Variants in OR1M1 observed in about 807,000 individuals in gnomAD.
OR1M1 encodes the protein olfactory receptor 1M1.
For missense variants in OR1M1, 397 were observed against 401.8 expected (o/e 0.99, Z 0.10); for synonymous variants, 157 against 165.5 (o/e 0.95, Z 0.39).
At chr19:9,089,118 A>G (rs1417806114) in intron 1 of OR1M1, among the ~76,000 whole-genome samples, 1 of 152,140 alleles carries the variant, frequency 6.6e-6, no homozygotes, top group African/African-American at 2.4e-5. Flanking sequence ...TCCTACAGGG[A>G]TATAGAACAC....
intron 1 of OR1M1, among the ~76,000 whole-genome samples, chr19:9,092,195 C>T (rs1295689567): frequency 6.9e-6 from 1 of 145,788 alleles, no homozygotes; most frequent in African/African-American, 2.5e-5. Context: ...GCTGTGATTA[C>T]AGATGGGACC....
At position 9,095,576 on chromosome 19, in the gene OR1M1, T is replaced by C. The variant is rs2050322396; in HGVS notation, c.*1390T>C. The stretch of plus-strand genomic sequence containing the variant: ...TAATTTATTTTTATTTGTATATATT[T>C]TTTTGGTAGAGATGGGGTCTCACTA... On this transcript the variant is annotated 3_prime_UTR_variant, in exon 2 of 2. Transcript: ENST00000641627. 1 of 152,042 alleles carries C rather than the reference T, an allele frequency of 6.6e-6. No individual in the cohort carries two copies. The highest frequency in any genetic ancestry group is 2.4e-5 in the African/African-American group (1 of 41,382). 9.4% of individuals were successfully genotyped at this position (152,042 alleles called of 1,614,324 possible).
At chr19:9,091,264 G>C (rs1001605612) in intron 1 of OR1M1, among the ~76,000 whole-genome samples, 7 of 151,894 alleles carry the variant, frequency 4.6e-5, no homozygotes, top group African/African-American at 1.7e-4. Context: ...AAGTGTGGGC[G>C]GATCACCTGA....
intron 1 of OR1M1, among the ~76,000 whole-genome samples, chr19:9,088,101 C>T (rs139371886): frequency 3.6e-3 from 549 of 151,092 alleles, no homozygotes; most frequent in Non-Finnish European, 4.8e-3. Flanking sequence ...ATAATGGCCA[C>T]GCTGGTCTCC....
Position 9,093,836 on chromosome 19 carries a change from T to A in OR1M1, c.592T>A (p.Phe198Ile). Reference protein sequence around the residue: ...SCTDTSVNRIFILIVAGMVIA... With the variant: ...SCTDTSVNRIIILIVAGMVIA... ...CACGGACACCTCTGTGAATAGGATC[T>A]TCATCCTCATTGTGGCAGGGATGGT... The change falls in exon 2 of 2, where the codon TTC becomes ATC. Residue 198 changes from phenylalanine to isoleucine, a missense_variant. Transcript: ENST00000641627. 6.2e-7 allele frequency: 1 copy of A among 1,614,066 alleles called. No individual in the cohort carries two copies. Among genetic ancestry groups the A allele is most frequent in the Non-Finnish European group, 8.5e-7 (1 of 1,179,994 alleles).
chr19:9,095,283 C>G lies in OR1M1; in HGVS notation c.*1097C>G, dbSNP rs1427731835. ...GTGTTTTGTTATAACCAGCCCTGGC[C>G]GAATAACACAGTGACTGTGAGGGGA... On this transcript the variant is annotated 3_prime_UTR_variant, in exon 2 of 2. Transcript: ENST00000641627. 1 of 152,148 alleles carries G rather than the reference C, an allele frequency of 6.6e-6. No individual in the cohort carries two copies. Among genetic ancestry groups the G allele is most frequent in the Non-Finnish European group, 1.5e-5 (1 of 68,064 alleles). The allele number at this position is 152,148 out of a possible 1,614,324, so 9.4% of individuals were successfully genotyped here.
chr19:9,092,317 A>G (rs1258163494), intron 1 of OR1M1, among the ~76,000 whole-genome samples: 1 of 152,026 alleles, frequency 6.6e-6, no homozygotes, highest in African/African-American at 2.4e-5. Context: ...TGTCAGGCCA[A>G]GTGCGGTAGC....
At chr19:9,092,321 C>T (rs2050297738) in intron 1 of OR1M1, among the ~76,000 whole-genome samples, 2 of 151,914 alleles carry the variant, frequency 1.3e-5, no homozygotes, top group Admixed American at 1.3e-4. Flanking sequence ...AGGCCAAGTG[C>T]GGTAGCTCAC....
At position 9,093,607 on chromosome 19, in the gene OR1M1, C is replaced by G; in HGVS notation, c.363C>G (p.Asp121Glu). The change falls in exon 2 of 2, where the codon GAC becomes GAG. Residue 121 changes from aspartate to glutamate, a missense_variant. By Grantham distance (45) the Asp-to-Glu change is conservative. Transcript: ENST00000641627. ...DSVIIAMMAY[D>E]RFVAICHPLH... Reference sequence around the variant, plus strand: ...TCATAATCGCCATGATGGCTTATGACCGGTTCGTGGCCATCTGCCACCCAT... The same window carrying G: ...TCATAATCGCCATGATGGCTTATGAGCGGTTCGTGGCCATCTGCCACCCAT... 2 of 1,614,174 alleles carry G rather than the reference C, an allele frequency of 1.2e-6. No homozygotes were observed. Among genetic ancestry groups the G allele is most frequent in the African/African-American group, 1.3e-5 (1 of 75,074 alleles).
intron 1 of OR1M1, among the ~76,000 whole-genome samples, chr19:9,092,507 G>T (rs534532262): frequency 8.8e-4 from 134 of 152,230 alleles, no homozygotes; most frequent in African/African-American, 3.0e-3. Flanking sequence ...AGAGGCTGTG[G>T]CAGGAGGCTG....
In OR1M1 at chr19:9,093,538, G is replaced by A. The variant is rs1397063277; in HGVS notation, c.294G>A (p.Leu98=). Reference sequence around the variant, plus strand: ...AGGCCATCTCTTATCCCTGCTGCCTGATCCAGATGTACTTCTTCCATTTCT... The same window carrying A: ...AGGCCATCTCTTATCCCTGCTGCCTAATCCAGATGTACTTCTTCCATTTCT... ...GSKAISYPCC[L]IQMYFFHFFG... is the part of the protein sequence containing the mutation. Residue 98 remains leucine (L), a synonymous_variant, in exon 2 of 2, where the codon CTG becomes CTA. Coordinates refer to ENST00000641627, the MANE Select transcript of OR1M1 (RefSeq NM_001004456.2). The A allele has an allele frequency of 1.2e-6, 2 of 1,614,166 alleles. No individual in the cohort carries two copies. Among genetic ancestry groups the A allele is most frequent in the Non-Finnish European group, 1.7e-6 (2 of 1,180,040 alleles).
At chr19:9,092,472 G>A (rs2050298600) in intron 1 of OR1M1, among the ~76,000 whole-genome samples, 1 of 152,000 alleles carries the variant, frequency 6.6e-6, no homozygotes, top group Non-Finnish European at 1.5e-5. Flanking sequence ...TACTTATGGT[G>A]TGTGCCTGTA....
At chr19:9,087,933 C>A (rs985907588) in intron 1 of OR1M1, among the ~76,000 whole-genome samples, 2 of 151,886 alleles carry the variant, frequency 1.3e-5, no homozygotes, top group Admixed American at 1.3e-4. Context: ...CTCTGTCACC[C>A]AGGCTGCAGT....
intron 1 of OR1M1, among the ~76,000 whole-genome samples, chr19:9,087,538 G>A (rs2050271045): frequency 6.6e-6 from 1 of 151,322 alleles, no homozygotes; most frequent in Admixed American, 6.6e-5. Context: ...TGCAACCTCT[G>A]ACTCCCAGGT....
In OR1M1 at chr19:9,093,393, G is replaced by A. The variant is rs771919644; in HGVS notation, c.149G>A (p.Ser50Asn). The change falls in exon 2 of 2, where the codon AGC becomes AAC. Residue 50 changes from serine to asparagine, a missense_variant. By Grantham distance (46) the Ser-to-Asn change is conservative. Coordinates refer to ENST00000641627, the MANE Select transcript of OR1M1 (RefSeq NM_001004456.2). The stretch of plus-strand genomic sequence containing the variant: ...AACCTGCTCATCATCCTGGCCATCA[G>A]CATAGACTCCCACCTCCACACCCCC... ...VGNLLIILAI[S>N]IDSHLHTPMY... 26 of 1,613,748 alleles carry A rather than the reference G, an allele frequency of 1.6e-5. No individual in the cohort carries two copies. The East Asian group carries it at 5.3e-4, about 33-fold the overall frequency.
At chr19:9,089,750 C>T (rs1325246768) in intron 1 of OR1M1, among the ~76,000 whole-genome samples, 1 of 152,046 alleles carries the variant, frequency 6.6e-6, no homozygotes, top group Non-Finnish European at 1.5e-5. Flanking sequence ...TTCCAAAAAT[C>T]CCTGGCTGCC....
At chr19:9,090,510 G>A (rs1174186472) in intron 1 of OR1M1, among the ~76,000 whole-genome samples, 1 of 152,140 alleles carries the variant, frequency 6.6e-6, no homozygotes, top group East Asian at 1.9e-4. Context: ...GCCCAGGCAG[G>A]AGTGCAGTGG....
At chr19:9,088,231 C>A (rs902509267) in intron 1 of OR1M1, among the ~76,000 whole-genome samples, 15 of 152,148 alleles carry the variant, frequency 9.9e-5, no homozygotes, top group African/African-American at 3.6e-4. Flanking sequence ...CCTGAAGGAA[C>A]AGATGGCTTC....
chr19:9,093,035 C>CTATA (rs1416053268), intron 1 of OR1M1, 197 bp from the exon 2 acceptor site: 21 of 295,282 alleles, frequency 7.1e-5, no homozygotes, highest in Admixed American at 3.6e-4. Flanking sequence ...CTCTCTCTCT[C>CTATA]TCTATATATA....
Sources: allele counts gnomAD v4.1 joint callset (sites outside exome capture counted in the v4.1 genomes callset), GRCh38; gene constraint gnomAD v4.1.1; transcripts MANE v1.5; gene names NCBI Gene and HGNC (gene_info 2026-07-23, HGNC 2026-07-21).